Variants in LYPD6B observed in about 807,000 individuals in gnomAD.
LYPD6B encodes LY6/PLAUR domain containing 6B.
Under a neutral mutation model 22.8 loss-of-function variants are expected in LYPD6B, and 17 were observed. That is an observed-to-expected ratio of 0.75 (90% CI 0.51 to 1.12). The LOEUF (loss-of-function observed/expected upper bound fraction) is 1.12, where lower values mean the gene tolerates loss of function less well. Ranked by LOEUF, LYPD6B falls within the 50% of genes most tolerant of loss-of-function variation. The probability of loss-of-function intolerance (pLI) is 0.00; values close to 1 mark genes in which losing one functional copy is unlikely to be tolerated. For missense variants in LYPD6B, 221 were observed against 258.3 expected (o/e 0.86, Z 0.99); for synonymous variants, 106 against 91.6 (o/e 1.16, Z -0.90).
chr2:149,157,359 A>G (rs757194376), intron 2 of LYPD6B, among the ~76,000 whole-genome samples: 2 of 151,594 alleles, frequency 1.3e-5, no homozygotes, highest in Non-Finnish European at 2.9e-5. Context: ...TTAATTCTCT[A>G]TAGTTTTCTA....
Position 149,103,747 on chromosome 2 carries a change from G to C in LYPD6B, c.-66-27136G>C, listed in dbSNP as rs76888750. Among the ~76,000 whole-genome samples, 3 of 138,630 alleles carry C rather than the reference G, an allele frequency of 2.2e-5. No homozygotes were observed. In the East Asian group the frequency reaches 6.4e-4, roughly 30 times the overall value. 90.9% of individuals were successfully genotyped at this position (138,630 alleles called of 152,430 possible). On this transcript the variant is annotated intron_variant, in intron 1 of 6. Transcript: ENST00000409642. ...TTCTTTCACTCAGCATCATTTTTGT[G>C]ATGTTCATACACGTTGTGCATATCT... is the stretch of plus-strand genomic sequence containing the variant.
chr2:149,200,596 C>T (rs1028153998), intron 3 of LYPD6B: 1 of 152,080 alleles, frequency 6.6e-6, no homozygotes, highest in Non-Finnish European at 1.5e-5. Context: ...TCCTGAAGAC[C>T]CCGTCAACTT....
At chr2:149,142,853 A>T (rs1688777708) in intron 2 of LYPD6B, among the ~76,000 whole-genome samples, 1 of 151,992 alleles carries the variant, frequency 6.6e-6, no homozygotes, top group South Asian at 2.1e-4. Context: ...TTCCTTCTTC[A>T]CCTGATTACA....
chr2:149,122,499 C>T (rs1324069871), intron 1 of LYPD6B, among the ~76,000 whole-genome samples: 1 of 151,044 alleles, frequency 6.6e-6, no homozygotes, highest in Non-Finnish European at 1.5e-5. Flanking sequence ...ATACATGTTC[C>T]ATGTTGGTGT....
chr2:149,080,610 G>A (rs1685077387), intron 1 of LYPD6B, among the ~76,000 whole-genome samples: 1 of 152,088 alleles, frequency 6.6e-6, no homozygotes, highest in South Asian at 2.1e-4. Flanking sequence ...GGGAGGCCAA[G>A]GTGGGCGGAT....
At chr2:149,088,229 C>T (rs1344510962) in intron 1 of LYPD6B, among the ~76,000 whole-genome samples, 2 of 152,128 alleles carry the variant, frequency 1.3e-5, no homozygotes, top group African/African-American at 4.8e-5. Context: ...ATCTAGAAAA[C>T]AGACTAACCT....
chr2:149,165,634 T>C (rs1260660405), intron 3 of LYPD6B, among the ~76,000 whole-genome samples: 1 of 152,160 alleles, frequency 6.6e-6, no homozygotes, highest in Non-Finnish European at 1.5e-5. Context: ...ATCTTATGAA[T>C]AGGTGTTATT....
chr2:149,107,398 A>C (rs141589192), intron 1 of LYPD6B, among the ~76,000 whole-genome samples: 94 of 152,198 alleles, frequency 6.2e-4, no homozygotes, highest in African/African-American at 2.1e-3. Flanking sequence ...TGAATTGTTT[A>C]CTCCTGGAAT....
At chr2:149,126,450 G>A (rs757973846) in intron 1 of LYPD6B, among the ~76,000 whole-genome samples, 6 of 152,158 alleles carry the variant, frequency 3.9e-5, no homozygotes, top group Non-Finnish European at 7.4e-5. Context: ...AATAAGGTGA[G>A]CCAGAGAAAA....
intron 2 of LYPD6B, among the ~76,000 whole-genome samples, chr2:149,148,890 G>T (rs899724037): frequency 4.6e-5 from 7 of 152,144 alleles, no homozygotes; most frequent in African/African-American, 1.7e-4. Flanking sequence ...TCTACAGCCT[G>T]CAGTCTTATT....
At position 149,208,171 on chromosome 2, in the gene LYPD6B, A is replaced by G. The variant is rs754318012; in HGVS notation, c.230-143A>G. 1.6e-4 allele frequency: 95 copies of G among 608,796 alleles called. 1 individual carries two copies. Among genetic ancestry groups the G allele is most frequent in the Non-Finnish European group, 2.2e-4 (74 of 341,944 alleles). The allele number at this position is 608,796 out of a possible 1,614,324, so 37.7% of individuals were successfully genotyped here. A position where few individuals can be genotyped will look rare whatever the true frequency, so the allele number is the denominator to read the frequency against. On this transcript the variant is annotated intron_variant, in intron 4 of 6. Coordinates refer to ENST00000409642, the MANE Select transcript of LYPD6B (RefSeq NM_177964.5). ...CCCCAAAAGCCTGATGAGTAAATCT[A>G]GCTCTCTAGAAACAGTAATTGTAAG...
chr2:149,189,286 A>G (rs1243019813), intron 3 of LYPD6B, among the ~76,000 whole-genome samples: 6 of 147,656 alleles, frequency 4.1e-5, no homozygotes, highest in African/African-American at 1.2e-4. Flanking sequence ...TTCAAGGGCA[A>G]TAAAACAATA....
At chr2:149,155,991 A>AT (rs1395223680) in intron 2 of LYPD6B, among the ~76,000 whole-genome samples, 1 of 152,188 alleles carries the variant, frequency 6.6e-6, no homozygotes, top group Non-Finnish European at 1.5e-5. Context: ...ATGTGCAAGG[A>AT]TTTTTACCCC....
chr2:149,046,224 G>T (rs775328461), intron 1 of LYPD6B, among the ~76,000 whole-genome samples: 10 of 151,786 alleles, frequency 6.6e-5, no homozygotes, highest in Non-Finnish European at 1.2e-4. Flanking sequence ...GCTTTTTTTG[G>T]ATTAATGTTT....
intron 3 of LYPD6B, among the ~76,000 whole-genome samples, chr2:149,197,495 A>T (rs1478412180): frequency 2.0e-5 from 3 of 151,844 alleles, no homozygotes; most frequent in Non-Finnish European, 4.4e-5. Context: ...CTGATGATAG[A>T]GCGAGACTCT....
intron 3 of LYPD6B, among the ~76,000 whole-genome samples, chr2:149,166,881 C>A (rs1470654410): frequency 6.6e-6 from 1 of 152,052 alleles, no homozygotes; most frequent in Non-Finnish European, 1.5e-5. Flanking sequence ...ACTGCCCCGC[C>A]CCTTCCATCA....
intron 3 of LYPD6B, among the ~76,000 whole-genome samples, chr2:149,171,995 A>G (rs1690863049): frequency 6.6e-6 from 1 of 152,058 alleles, no homozygotes; most frequent in Non-Finnish European, 1.5e-5. Context: ...ATGCCTCTGT[A>G]TTAGTTTGTT....
intron 1 of LYPD6B, among the ~76,000 whole-genome samples, chr2:149,066,383 G>A (rs1684334595): frequency 6.8e-6 from 1 of 147,702 alleles, no homozygotes. Flanking sequence ...GTGTCCATGT[G>A]TTGTCACTGT....
At chr2:149,103,688 A>G (rs988385662) in intron 1 of LYPD6B, among the ~76,000 whole-genome samples, 2 of 150,296 alleles carry the variant, frequency 1.3e-5, no homozygotes, top group Admixed American at 1.3e-4. Flanking sequence ...GCAGGGAAGT[A>G]CTTTCTGCCA....
Sources: allele counts gnomAD v4.1 joint callset (sites outside exome capture counted in the v4.1 genomes callset), GRCh38; gene constraint gnomAD v4.1.1; transcripts MANE v1.5; gene names NCBI Gene and HGNC (gene_info 2026-07-23, HGNC 2026-07-21).